Variants in NHS observed in about 807,000 individuals in gnomAD.
NHS encodes the protein NHS actin remodeling regulator, also known as actin remodeling regulator NHS.
A neutral mutation model predicts 72.5 loss-of-function variants in NHS; 5 were observed. The observed-to-expected ratio is 0.07, with a 90% CI of 0.04 to 0.14. The LOEUF is 0.14. Ranked by LOEUF, NHS falls within the 10% of genes least tolerant of loss-of-function variation. NHS has a pLI of 1.00. For missense variants in NHS, 1,072 were observed against 1,355.7 expected (o/e 0.79, Z 3.29); for synonymous variants, 464 against 547.7 (o/e 0.85, Z 2.13).
At chrX:17,695,562 A>G (rs2066223663) in intron 3 of NHS, among the ~76,000 whole-genome samples, 1 of 111,641 alleles carries the variant, frequency 9.0e-6, no homozygotes, top group Admixed American at 9.5e-5. Context: ...AAGGTTGTAT[A>G]TCTGTGATTC....
At chrX:17,475,181 T>C (rs191968073) in intron 1 of NHS, among the ~76,000 whole-genome samples, 115 of 112,320 alleles carry the variant, frequency 1.0e-3, no homozygotes, top group Non-Finnish European at 1.8e-3. Context: ...AACTTCTGAA[T>C]TGGGCTGTAG....
At chrX:17,580,734 A>C (rs1216392199) in intron 1 of NHS, among the ~76,000 whole-genome samples, 2 of 112,416 alleles carry the variant, frequency 1.8e-5, no homozygotes, top group Non-Finnish European at 3.8e-5. Context: ...AATGCTATTA[A>C]TAGTCACTAA....
Position 17,546,825 on chromosome X carries a change from AGAG to A in NHS, c.566-140910_566-140908del, listed in dbSNP as rs1285665415. Among the ~76,000 whole-genome samples, 4 of 112,637 alleles carry A rather than the reference AGAG, an allele frequency of 3.6e-5. No homozygotes were observed. In the Admixed American group the frequency reaches 3.7e-4, roughly 11 times the overall value. ...TAGCTTTTCTCATTGAAGAAAAATG[AGAG>A]GAGGAGAAGGTGGCATTTAACACGT... On this transcript the variant is annotated intron_variant, in intron 1 of 8. Transcript: ENST00000676302.
At chrX:17,695,051 C>T (rs1055687222) in intron 3 of NHS, among the ~76,000 whole-genome samples, 1 of 112,201 alleles carries the variant, frequency 8.9e-6, no homozygotes, top group Non-Finnish European at 1.9e-5. Context: ...CCTAAAATAC[C>T]TGAATGTGAG....
intron 1 of NHS, among the ~76,000 whole-genome samples, chrX:17,467,265 C>T (rs1247714593): frequency 2.7e-5 from 3 of 112,289 alleles, no homozygotes; most frequent in Admixed American, 1.9e-4. Flanking sequence ...GAAAAAAAGA[C>T]AGAAATGTAC....
chrX:17,656,633 T>C (rs1246524184), intron 1 of NHS, among the ~76,000 whole-genome samples: 1 of 112,202 alleles, frequency 8.9e-6, no homozygotes, highest in Non-Finnish European at 1.9e-5. Context: ...TTCAGGGGTC[T>C]TTTATTATTT....
intron 1 of NHS, among the ~76,000 whole-genome samples, chrX:17,623,462 C>G (rs991565333): frequency 5.4e-5 from 6 of 111,015 alleles, no homozygotes; most frequent in African/African-American, 2.0e-4. Context: ...CTTTCATTTG[C>G]ATGTGCGTGT....
chrX:17,541,857 C>T (rs1410494701), intron 1 of NHS, among the ~76,000 whole-genome samples: 6 of 106,812 alleles, frequency 5.6e-5, no homozygotes, highest in Non-Finnish European at 1.2e-4. Context: ...AGCTGCCTTA[C>T]CTCAAATTGA....
intron 1 of NHS, among the ~76,000 whole-genome samples, chrX:17,432,408 G>A (rs1012578217): frequency 3.6e-5 from 4 of 112,612 alleles, no homozygotes; most frequent in African/African-American, 1.3e-4. Flanking sequence ...TGCCTAGCAT[G>A]TAATAGATAC....
At position 17,563,510 on chromosome X, in the gene NHS, A is replaced by G. The variant is rs560391866; in HGVS notation, c.566-124232A>G. On this transcript the variant is annotated intron_variant, in intron 1 of 8. Transcript: ENST00000676302. ...TTCACAGCAGAGGAGCTTTCTAATG[A>G]CTTTTCAATTAATTGACTTGAAGCT... is the stretch of plus-strand genomic sequence containing the variant. Among the ~76,000 whole-genome samples the G allele has an allele frequency of 3.6e-5, 4 of 112,545 alleles. No individual in the cohort carries two copies. The South Asian group carries it at 1.5e-3, about 42-fold the overall frequency.
intron 1 of NHS, among the ~76,000 whole-genome samples, chrX:17,453,819 T>C (rs1164753066): frequency 8.9e-6 from 1 of 111,921 alleles, no homozygotes; most frequent in Non-Finnish European, 1.9e-5. Flanking sequence ...CCTACTGATA[T>C]GTATCAGTCT....
rs1347342032 is a variant in NHS at position 17,730,099 on chromosome X, T to C, written c.4349+1324T>C. Among the ~76,000 whole-genome samples the C allele has an allele frequency of 3.6e-5, 4 of 112,445 alleles. No homozygotes were observed. The East Asian group carries it at 1.1e-3, about 31-fold the overall frequency. On this transcript the variant is annotated intron_variant, in intron 8 of 8. Transcript: ENST00000676302. Reference sequence around the variant, plus strand: ...CCATTAGTTTCTTTTCCTTCACCCCTGTGCCTAGTCTAAGCTCTGATTATA... The same window carrying C: ...CCATTAGTTTCTTTTCCTTCACCCCCGTGCCTAGTCTAAGCTCTGATTATA...
intron 1 of NHS, among the ~76,000 whole-genome samples, chrX:17,673,777 A>AT (rs2066063900): frequency 8.9e-6 from 1 of 111,925 alleles, no homozygotes; most frequent in Non-Finnish European, 1.9e-5. Context: ...ATATTAAAAA[A>AT]TTTTTGCCTC....
intron 1 of NHS, among the ~76,000 whole-genome samples, chrX:17,660,421 A>T (rs1429597683): frequency 1.8e-5 from 2 of 112,275 alleles, no homozygotes; most frequent in Non-Finnish European, 3.8e-5. Flanking sequence ...TTGCAGGAGA[A>T]ACCACCCCCA....
chrX:17,542,855 G>T (rs763357735), intron 1 of NHS, among the ~76,000 whole-genome samples: 1 of 111,469 alleles, frequency 9.0e-6, no homozygotes, highest in Admixed American at 9.5e-5. Flanking sequence ...CAGTTGTCTC[G>T]TCTACAAAAT....
At chrX:17,389,063 C>G (rs2064425804) in intron 1 of NHS, among the ~76,000 whole-genome samples, 1 of 111,745 alleles carries the variant, frequency 8.9e-6, no homozygotes, top group Non-Finnish European at 1.9e-5. Flanking sequence ...GGCACTTCTC[C>G]TACGGTCTTG....
chrX:17,548,847 G>C (rs775263529), intron 1 of NHS, among the ~76,000 whole-genome samples: 2 of 111,362 alleles, frequency 1.8e-5, no homozygotes, highest in Non-Finnish European at 3.8e-5. Context: ...GCCCCTGGGG[G>C]ATGGCTGCCC....
chrX:17,651,650 T>C (rs1024373349), intron 1 of NHS, among the ~76,000 whole-genome samples: 4 of 111,953 alleles, frequency 3.6e-5, no homozygotes, highest in African/African-American at 1.3e-4. Flanking sequence ...GTGCCAAGGC[T>C]GGAGGCACAC....
chrX:17,397,140 T>C (rs183035081), intron 1 of NHS, among the ~76,000 whole-genome samples: 1 of 112,803 alleles, frequency 8.9e-6, no homozygotes, highest in African/African-American at 3.2e-5. Context: ...CTAGAGCCAG[T>C]ACACTTCCCT....
Sources: allele counts gnomAD v4.1 joint callset (sites outside exome capture counted in the v4.1 genomes callset), GRCh38; gene constraint gnomAD v4.1.1; transcripts MANE v1.5; gene names NCBI Gene and HGNC (gene_info 2026-07-23, HGNC 2026-07-21).